LRRC39: variants seen among roughly 807,000 people sequenced by gnomAD.
LRRC39 encodes the protein leucine rich repeat containing 39.
A neutral mutation model predicts 39.7 loss-of-function variants in LRRC39; 35 were observed. The ratio of observed to expected loss-of-function variants is 0.88; its 90% CI spans 0.67 to 1.17. The LOEUF (loss-of-function observed/expected upper bound fraction) is 1.17. LRRC39 is among the 50% of genes most tolerant of loss of function. The probability of loss-of-function intolerance (pLI) is 0.00; values close to 1 mark genes in which losing one functional copy is unlikely to be tolerated. For synonymous variants in LRRC39, 113 were observed against 134.1 expected, an observed-to-expected ratio of 0.84 and a Z score of 1.09; for missense variants, 357 against 385.8, an observed-to-expected ratio of 0.93 and a Z score of 0.62.
chr1:100,152,065 A>G (rs560038073), intron 9 of LRRC39, among the ~76,000 whole-genome samples: 5 of 152,322 alleles, frequency 3.3e-5, no homozygotes, highest in African/African-American at 1.2e-4. Context: ...TTCATGGTCA[A>G]ACTGCTATGT....
In LRRC39 at chr1:100,151,038, A is replaced by G. The variant is rs1159321263; in HGVS notation, c.952+1347T>C. On this transcript the variant is annotated intron_variant, in intron 9 of 9. Transcript: ENST00000370137. ...GCTACTCAGGAGGCTGAGGCAGGAG[A>G]ATCACTTGAACCTGGGAGGCGAAAT... Among the ~76,000 whole-genome samples the G allele has an allele frequency of 2.6e-5, 4 of 151,350 alleles. No homozygotes were observed. In the East Asian group the frequency reaches 7.8e-4, roughly 29 times the overall value.
intron 8 of LRRC39, among the ~76,000 whole-genome samples, chr1:100,153,967 G>A (rs1246829353): frequency 1.3e-5 from 2 of 151,832 alleles, no homozygotes; most frequent in Non-Finnish European, 2.9e-5. Context: ...GCTTATTTAG[G>A]AAATAAACAC....
At position 100,167,890 on chromosome 1, in the gene LRRC39, T is replaced by G. The variant is rs1659357679; in HGVS notation, c.113+514A>C. On this transcript the variant is annotated intron_variant, in intron 3 of 9. Coordinates refer to ENST00000370137, the MANE Select transcript of LRRC39 (RefSeq NM_144620.4). Reference sequence around the variant, plus strand: ...TATGCATCTATGAGGAAAGGGACTATTTTTGCAGGATTAGTAGAATACTTT... The same window carrying G: ...TATGCATCTATGAGGAAAGGGACTAGTTTTGCAGGATTAGTAGAATACTTT... Among the ~76,000 whole-genome samples the G allele has an allele frequency of 2.0e-5, 3 of 151,590 alleles. No homozygotes were observed. In the South Asian group the frequency reaches 6.2e-4, roughly 31 times the overall value.
intron 3 of LRRC39, among the ~76,000 whole-genome samples, chr1:100,163,995 C>T (rs1334246774): frequency 1.3e-5 from 2 of 152,068 alleles, no homozygotes; most frequent in African/African-American, 4.8e-5. Context: ...ATCACTTGAA[C>T]CCAGGAGGCA....
At chr1:100,172,181 T>TA (rs1376496458) in intron 2 of LRRC39, among the ~76,000 whole-genome samples, 5 of 151,798 alleles carry the variant, frequency 3.3e-5, no homozygotes, top group Admixed American at 1.3e-4. Context: ...ATTTGAGGGG[T>TA]AAAAAATAAC....
chr1:100,152,595 G>T lies in LRRC39; in HGVS notation c.813-71C>A, dbSNP rs1333616864. On this transcript the variant is annotated intron_variant, in intron 8 of 9. Coordinates refer to ENST00000370137, the MANE Select transcript of LRRC39 (RefSeq NM_144620.4). ...TGTACATTTATTTCCCTGGAGAAAG[G>T]TCAAATGATAATATACTAAATTACT... The T allele has an allele frequency of 2.6e-6, 4 of 1,510,358 alleles. No homozygotes were observed. In the East Asian group the frequency reaches 9.1e-5, roughly 34 times the overall value. The allele number at this position is 1,510,358 out of a possible 1,614,324, so 93.6% of individuals were successfully genotyped here.
Position 100,152,274 on chromosome 1 carries a change from T to G in LRRC39, c.952+111A>C, listed in dbSNP as rs1042409782. On this transcript the variant is annotated intron_variant, in intron 9 of 9. Coordinates refer to ENST00000370137, the MANE Select transcript of LRRC39 (RefSeq NM_144620.4). ...AAGAGAACAGAATTTGACAGAAAAC[T>G]TAAGATGGAATGAGAAATATATAAA... The G allele has an allele frequency of 2.2e-5, 25 of 1,144,448 alleles. 2 individuals carry two copies. In the South Asian group the frequency reaches 5.5e-4, roughly 25 times the overall value. The allele number at this position is 1,144,448 out of a possible 1,614,324, so 70.9% of individuals were successfully genotyped here.
chr1:100,177,897 C>T (rs376853087), intron 1 of LRRC39, among the ~76,000 whole-genome samples: 2 of 152,134 alleles, frequency 1.3e-5, no homozygotes, highest in Non-Finnish European at 2.9e-5. Context: ...GTGAGGTAAG[C>T]ATAGAAAAGA....
intron 3 of LRRC39, among the ~76,000 whole-genome samples, chr1:100,161,847 A>G (rs896514195): frequency 4.6e-5 from 7 of 152,074 alleles, no homozygotes; most frequent in Admixed American, 3.3e-4. Flanking sequence ...GGGTTTTGCC[A>G]TGTTGCCCAG....
chr1:100,163,052 T>A (rs1430210005), intron 3 of LRRC39, among the ~76,000 whole-genome samples: 2 of 152,220 alleles, frequency 1.3e-5, no homozygotes, highest in Non-Finnish European at 2.9e-5. Flanking sequence ...TGCTAACAGG[T>A]GCCCTGTGGC....
chr1:100,155,124 G>C lies in LRRC39; in HGVS notation c.739C>G (p.Leu247Val). 1 of 1,611,128 alleles carries C rather than the reference G, an allele frequency of 6.2e-7. No homozygotes were observed. The highest frequency in any genetic ancestry group is 8.5e-7 in the Non-Finnish European group (1 of 1,178,828). The change falls in exon 8 of 10, where the codon CTG (leucine) becomes GTG (valine). Residue 247 changes from leucine to valine, a missense_variant. Coordinates refer to ENST00000370137, the MANE Select transcript of LRRC39 (RefSeq NM_144620.4). ...TTGTTGCTGAGAACAAGAGTACCCA[G>C]ATTTTTCATATTGCTGATTGTTTGA... ...LPQTISNMKN[L>V]GTLVLSNNKL...
At chr1:100,171,827 C>G (rs1440702949) in intron 2 of LRRC39, among the ~76,000 whole-genome samples, 2 of 151,940 alleles carry the variant, frequency 1.3e-5, no homozygotes, top group African/African-American at 2.4e-5. Context: ...TCTAAATAAC[C>G]TGTAGTCAAA....
At chr1:100,158,842 T>C (rs1346482759) in intron 5 of LRRC39, among the ~76,000 whole-genome samples, 1 of 151,680 alleles carries the variant, frequency 6.6e-6, no homozygotes, top group Non-Finnish European at 1.5e-5. Context: ...GGGACAAGTT[T>C]ATCCGTGCAA....
chr1:100,169,199 A>G (rs1347090588), intron 2 of LRRC39, among the ~76,000 whole-genome samples: 1 of 152,104 alleles, frequency 6.6e-6, no homozygotes, highest in East Asian at 1.9e-4. Context: ...CTGATTTTTG[A>G]TCAAATTAGT....
chr1:100,154,301 A>G (rs1658293357), intron 8 of LRRC39, among the ~76,000 whole-genome samples: 1 of 152,192 alleles, frequency 6.6e-6, no homozygotes, highest in South Asian at 2.1e-4. Context: ...GGATTTTGCA[A>G]TTTGTATCCT....
At chr1:100,153,396 A>T (rs1216912449) in intron 8 of LRRC39, among the ~76,000 whole-genome samples, 3 of 152,228 alleles carry the variant, frequency 2.0e-5, no homozygotes, top group Non-Finnish European at 4.4e-5. Flanking sequence ...GGCCTAGGCA[A>T]AGAATTTATG....
At chr1:100,150,273 C>T (rs1657850588) in intron 9 of LRRC39, 1 of 152,086 alleles carries the variant, frequency 6.6e-6, no homozygotes, top group African/African-American at 2.4e-5. Flanking sequence ...TTTATTATCT[C>T]TTTAAGTTGT....
intron 8 of LRRC39, 118 bp from the exon 9 acceptor site, chr1:100,152,642 A>G: frequency 9.8e-7 from 1 of 1,016,780 alleles, no homozygotes; most frequent in East Asian, 2.6e-5. Flanking sequence ...GGTTTCAATA[A>G]CTGAACGACT....
intron 2 of LRRC39, among the ~76,000 whole-genome samples, chr1:100,170,867 A>G (rs544880737): frequency 1.3e-5 from 2 of 152,240 alleles, no homozygotes; most frequent in Non-Finnish European, 1.5e-5. Context: ...ATGTGCCACC[A>G]TGTCTGGCTA....
Sources: gnomAD v4.1 joint callset for allele counts (sites outside exome capture counted in the v4.1 genomes callset) on GRCh38, gnomAD v4.1.1 for gene constraint, MANE v1.5 for transcripts, NCBI Gene and HGNC (gene_info 2026-07-23, HGNC 2026-07-21) for gene names.